PKDCC: variants seen among roughly 807,000 people sequenced by gnomAD.
PKDCC encodes the protein extracellular tyrosine-protein kinase PKDCC.
A neutral mutation model predicts 44.7 loss-of-function variants in PKDCC; 35 were observed. That is an observed-to-expected ratio of 0.78 (90% CI 0.60 to 1.04). The LOEUF (loss-of-function observed/expected upper bound fraction) is 1.04. PKDCC is among the 50% of genes least tolerant of loss of function. The probability of loss-of-function intolerance (pLI) is 0.00; values close to 1 mark genes in which losing one functional copy is unlikely to be tolerated. For synonymous variants in PKDCC, 353 were observed against 303.3 expected (o/e 1.16, Z -1.70); for missense variants, 738 against 672.7 (o/e 1.10, Z -1.07).
At chr2:42,050,945 G>C (rs1667957206) in intron 1 of PKDCC, among the ~76,000 whole-genome samples, 1 of 152,168 alleles carries the variant, frequency 6.6e-6, no homozygotes, top group African/African-American at 2.4e-5. Context: ...TTCAGGGCAG[G>C]TGTACAGGGA....
chr2:42,055,710 C>T lies in PKDCC; in HGVS notation c.1222+317C>T, dbSNP rs958856570. On this transcript the variant is annotated intron_variant, in intron 5 of 6. Coordinates refer to ENST00000294964, the MANE Select transcript of PKDCC (RefSeq NM_138370.3). The surrounding 1 kb of genome is among the most constrained non-coding windows in gnomAD (Gnocchi z 4.5). ...GTTACCCCTTGAACCTCACTTTCCT[C>T]ATCTGTGAATTGGGTTCACTATTAC... The T allele has an allele frequency of 2.5e-5, 7 of 274,526 alleles. No homozygotes were observed. The highest frequency in any genetic ancestry group is 1.5e-4 in the African/African-American group (7 of 45,656). The allele number at this position is 274,526 out of a possible 1,614,324, so 17.0% of individuals were successfully genotyped here.
Position 42,057,258 on chromosome 2 carries a change from A to C in PKDCC, c.1260A>C (p.Glu420Asp). 2 of 1,614,234 alleles carry C rather than the reference A, an allele frequency of 1.2e-6. No homozygotes were observed. The highest frequency in any genetic ancestry group is 2.2e-5 in the South Asian group (2 of 91,084). The change falls in exon 6 of 7, where the codon GAA becomes GAC. Residue 420 changes from glutamate to aspartate, a missense_variant. Transcript: ENST00000294964. ...QCIPDSTIPQEDYRCWPSYHH... is the reference protein window; with the variant it reads ...QCIPDSTIPQDDYRCWPSYHH... ...TCCCAGACAGCACCATCCCCCAGGA[A>C]GACTACCGCTGCTGGCCATCCTACC...
chr2:42,053,980 C>T lies in PKDCC; in HGVS notation c.763-56C>T, dbSNP rs1371393464. ...CCAAGAGGAGGGTGCCCTCGAGTCCCACAGACCCCCAACCCAGGAGAAAAG... is the reference window on the plus strand; with the variant it reads ...CCAAGAGGAGGGTGCCCTCGAGTCCTACAGACCCCCAACCCAGGAGAAAAG... On this transcript the variant is annotated intron_variant, in intron 2 of 6. Coordinates refer to ENST00000294964, the MANE Select transcript of PKDCC (RefSeq NM_138370.3). 11 of 1,570,892 alleles carry T rather than the reference C, an allele frequency of 7.0e-6. No individual in the cohort carries two copies. The Admixed American group carries it at 1.9e-4, about 27-fold the overall frequency.
At position 42,057,600 on chromosome 2, in the gene PKDCC, C is replaced by G; in HGVS notation, c.1397-3C>G. The G allele has an allele frequency of 6.2e-7, 1 of 1,613,514 alleles. No homozygotes were observed. The highest frequency in any genetic ancestry group is 1.1e-5 in the South Asian group (1 of 90,966). On this transcript the variant is annotated splice_region_variant and splice_polypyrimidine_tract_variant and intron_variant, in intron 6 of 6. Transcript: ENST00000294964. ...CCTGTTACCTCTCACCTCTGCCCCCCAGGTCGGCAGCTGGTCTTTTTCAAG... is the reference window on the plus strand; with the variant it reads ...CCTGTTACCTCTCACCTCTGCCCCCGAGGTCGGCAGCTGGTCTTTTTCAAG...
At position 42,051,705 on chromosome 2, in the gene PKDCC, G is replaced by T. The variant is rs1254073202; in HGVS notation, c.640-1534G>T. On this transcript the variant is annotated intron_variant, in intron 1 of 6. Coordinates refer to ENST00000294964, the MANE Select transcript of PKDCC (RefSeq NM_138370.3). The surrounding 1 kb of genome is among the most constrained non-coding windows in gnomAD (Gnocchi z 4.2). Reference sequence around the variant, plus strand: ...GGCTTCCCTGGACTGATGGGGAGGGGGTGGAGAGAGAAGAGGGTGCCTGGA... The same window carrying T: ...GGCTTCCCTGGACTGATGGGGAGGGTGTGGAGAGAGAAGAGGGTGCCTGGA... Among the ~76,000 whole-genome samples, 1 of 152,068 alleles carries T rather than the reference G, an allele frequency of 6.6e-6. No homozygotes were observed. Among genetic ancestry groups the T allele is most frequent in the Non-Finnish European group, 1.5e-5 (1 of 67,996 alleles).
rs761814132 is a variant in PKDCC at position 42,055,065 on chromosome 2, C to G, written c.1114+45C>G. On this transcript the variant is annotated intron_variant, in intron 4 of 6. Coordinates refer to ENST00000294964, the MANE Select transcript of PKDCC (RefSeq NM_138370.3). This position sits in a 1 kb window ranked among gnomAD's most constrained non-coding sequence, Gnocchi z 4.5. ...TCTGCTTCCAGGCACCTACCCCACCCCCACCCGCCAGCAAAAGTGGGGAGA... is the reference window on the plus strand; with the variant it reads ...TCTGCTTCCAGGCACCTACCCCACCGCCACCCGCCAGCAAAAGTGGGGAGA... 5 of 1,562,896 alleles carry G rather than the reference C, an allele frequency of 3.2e-6. No individual in the cohort carries two copies. The highest frequency in any genetic ancestry group is 4.4e-6 in the Non-Finnish European group (5 of 1,135,166).
rs1668025246 is a variant in PKDCC, at chr2:42,054,746, G to A, written c.1035-195G>A. 7.7e-6 allele frequency: 5 copies of A among 652,806 alleles called. No individual in the cohort carries two copies. The highest frequency in any genetic ancestry group is 3.6e-5 in the African/African-American group (2 of 55,606). The allele number at this position is 652,806 out of a possible 1,614,324, so 40.4% of individuals were successfully genotyped here. A position where few individuals can be genotyped will look rare whatever the true frequency, so the allele number is the denominator to read the frequency against. On this transcript the variant is annotated intron_variant, in intron 3 of 6. Transcript: ENST00000294964. This position sits in a 1 kb window ranked among gnomAD's most constrained non-coding sequence, Gnocchi z 6.1. ...GCAGGCCCCTGGTTTCGGTTAGTAT[G>A]AAGTTAGGTGTGGTGTTAGCATGTG... is the stretch of plus-strand genomic sequence containing the variant.
chr2:42,049,910 C>T (rs146547060), intron 1 of PKDCC, among the ~76,000 whole-genome samples: 69 of 152,314 alleles, frequency 4.5e-4, no homozygotes, highest in Middle Eastern at 3.4e-3. Context: ...CTTGCACACA[C>T]CTTCCACCTA....
Position 42,054,452 on chromosome 2 carries a change from G to A in PKDCC, c.1034+145G>A. On this transcript the variant is annotated intron_variant, in intron 3 of 6. Coordinates refer to ENST00000294964, the MANE Select transcript of PKDCC (RefSeq NM_138370.3). The surrounding 1 kb of genome is among the most constrained non-coding windows in gnomAD (Gnocchi z 6.1). The stretch of plus-strand genomic sequence containing the variant: ...GGGAAGGCTTCTACCCTGTCCAGAA[G>A]GGAACATTCAGGCCTCTGATGGAGA... 1 of 1,003,868 alleles carries A rather than the reference G, an allele frequency of 1.0e-6. No homozygotes were observed. Among genetic ancestry groups the A allele is most frequent in the Admixed American group, 2.9e-5 (1 of 35,042 alleles). 62.2% of individuals were successfully genotyped at this position (1,003,868 alleles called of 1,614,324 possible).
At position 42,054,638 on chromosome 2, in the gene PKDCC, C is replaced by A; in HGVS notation, c.1035-303C>A. Reference sequence around the variant, plus strand: ...TGGGAAATTCCTCACTGGGCCCCAGCCATGGGGCTGCTCCGACACCGGGAG... The same window carrying A: ...TGGGAAATTCCTCACTGGGCCCCAGACATGGGGCTGCTCCGACACCGGGAG... On this transcript the variant is annotated intron_variant, in intron 3 of 6. Transcript: ENST00000294964. This position sits in a 1 kb window ranked among gnomAD's most constrained non-coding sequence, Gnocchi z 6.1. 1.8e-6 allele frequency: 1 copy of A among 544,472 alleles called. No individual in the cohort carries two copies. The highest frequency in any genetic ancestry group is 2.4e-5 in the South Asian group (1 of 41,018). 33.7% of individuals were successfully genotyped at this position (544,472 alleles called of 1,614,324 possible).
rs1424656584 is a variant in PKDCC, at chr2:42,048,068, GC to G, written c.-130del. ...TCGCCCGCGAGGGGCCGGGGTCGGG[GC>G]CGCCGGGGCCATGCGCGCGGGCTGG... On this transcript the variant is annotated 5_prime_UTR_variant, in exon 1 of 7. The change abolishes the stop of an existing upstream ORF in the 5' untranslated region. Coordinates refer to ENST00000294964, the MANE Select transcript of PKDCC (RefSeq NM_138370.3). The surrounding 1 kb of genome is among the most constrained non-coding windows in gnomAD (Gnocchi z 6.2). 2.5e-6 allele frequency: 1 copy of G among 395,534 alleles called. No homozygotes were observed. The highest frequency in any genetic ancestry group is 3.4e-6 in the Non-Finnish European group (1 of 295,196). 24.5% of individuals were successfully genotyped at this position (395,534 alleles called of 1,614,324 possible).
In PKDCC at chr2:42,057,298, C is replaced by T; in HGVS notation, c.1300C>T (p.Leu434Phe). The T allele has an allele frequency of 6.2e-7, 1 of 1,614,220 alleles. No homozygotes were observed. Among genetic ancestry groups the T allele is most frequent in the Non-Finnish European group, 8.5e-7 (1 of 1,180,042 alleles). The change falls in exon 6 of 7, where the codon CTC (leucine) becomes TTC (phenylalanine). Residue 434 changes from leucine to phenylalanine, a missense_variant. By Grantham distance (22) the Leu-to-Phe change is conservative. Transcript: ENST00000294964. ...GCCATCCTACCACCACGGGAGCTGCCTCCTTTCAGTGTTCAACCTGGCTGA... is the reference window on the plus strand; with the variant it reads ...GCCATCCTACCACCACGGGAGCTGCTTCCTTTCAGTGTTCAACCTGGCTGA... ...CWPSYHHGSCLLSVFNLAEAV... is the reference protein window; with the variant it reads ...CWPSYHHGSCFLSVFNLAEAV...
In PKDCC at chr2:42,055,245, G is replaced by A. The variant is rs754056945; in HGVS notation, c.1115-41G>A. Reference sequence around the variant, plus strand: ...GGCTGCTGACTTCAGGGAGGAGTGGGAGCCCCAGGCATCCTGTCTTAGCCA... The same window carrying A: ...GGCTGCTGACTTCAGGGAGGAGTGGAAGCCCCAGGCATCCTGTCTTAGCCA... On this transcript the variant is annotated intron_variant, in intron 4 of 6. Coordinates refer to ENST00000294964, the MANE Select transcript of PKDCC (RefSeq NM_138370.3). This position sits in a 1 kb window ranked among gnomAD's most constrained non-coding sequence, Gnocchi z 4.5. The A allele has an allele frequency of 6.4e-6, 10 of 1,563,602 alleles. No homozygotes were observed. The highest frequency in any genetic ancestry group is 7.9e-6 in the Non-Finnish European group (9 of 1,145,674).
chr2:42,056,171 C>G (rs1668053825), intron 5 of PKDCC, among the ~76,000 whole-genome samples: 1 of 152,114 alleles, frequency 6.6e-6, no homozygotes, highest in Non-Finnish European at 1.5e-5. Flanking sequence ...GGACTTTGGT[C>G]TAGTCCCTGG....
Position 42,054,517 on chromosome 2 carries a change from G to T in PKDCC, c.1034+210G>T, listed in dbSNP as rs1668021748. ...AGCTCCAAGGAGAATCCGGGTTAGG[G>T]GGTGGCAGCTGGAGGCTTCTTAAAA... On this transcript the variant is annotated intron_variant, in intron 3 of 6. Transcript: ENST00000294964. The surrounding 1 kb of genome is among the most constrained non-coding windows in gnomAD (Gnocchi z 6.1). 4.8e-6 allele frequency: 3 copies of T among 629,516 alleles called. No individual in the cohort carries two copies. Among genetic ancestry groups the T allele is most frequent in the South Asian group, 4.4e-5 (2 of 45,766 alleles). 39.0% of individuals were successfully genotyped at this position (629,516 alleles called of 1,614,324 possible).
chr2:42,057,742 T>G lies in PKDCC; in HGVS notation c.*54T>G. On this transcript the variant is annotated 3_prime_UTR_variant, in exon 7 of 7. Coordinates refer to ENST00000294964, the MANE Select transcript of PKDCC (RefSeq NM_138370.3). ...ACTATCCTCAGCAGCTGGGCTTGCCTGTGGAGGGAGTGACTTGCACTGGCA... is the reference window on the plus strand; with the variant it reads ...ACTATCCTCAGCAGCTGGGCTTGCCGGTGGAGGGAGTGACTTGCACTGGCA... 1 of 1,523,866 alleles carries G rather than the reference T, an allele frequency of 6.6e-7. No homozygotes were observed. The highest frequency in any genetic ancestry group is 9.0e-7 in the Non-Finnish European group (1 of 1,105,850). 94.4% of individuals were successfully genotyped at this position (1,523,866 alleles called of 1,614,324 possible).
chr2:42,053,686 A>G (rs1409584920), intron 2 of PKDCC: 1 of 519,318 alleles, frequency 1.9e-6, no homozygotes, highest in African/African-American at 1.9e-5. Flanking sequence ...TAGAACTAGG[A>G]AAGACCTTAA....
At position 42,051,112 on chromosome 2, in the gene PKDCC, G is replaced by A. The variant is rs1402477196; in HGVS notation, c.640-2127G>A. ...CTCTGAGCAGCCCAGAATTGGTGCT[G>A]TGGATTCTAATAGAAAATGCCCAGG... On this transcript the variant is annotated intron_variant, in intron 1 of 6. Transcript: ENST00000294964. This position sits in a 1 kb window ranked among gnomAD's most constrained non-coding sequence, Gnocchi z 4.2. 6.6e-6 allele frequency among the ~76,000 whole-genome samples: 1 copy of A among 152,148 alleles called. No homozygotes were observed. Among genetic ancestry groups the A allele is most frequent in the African/African-American group, 2.4e-5 (1 of 41,426 alleles).
rs534276179 is a variant in PKDCC, at chr2:42,055,933, G to C, written c.1222+540G>C. Among the ~76,000 whole-genome samples, 1 of 152,186 alleles carries C rather than the reference G, an allele frequency of 6.6e-6. No individual in the cohort carries two copies. Among genetic ancestry groups the C allele is most frequent in the African/African-American group, 2.4e-5 (1 of 41,432 alleles). On this transcript the variant is annotated intron_variant, in intron 5 of 6. Transcript: ENST00000294964. The surrounding 1 kb of genome is among the most constrained non-coding windows in gnomAD (Gnocchi z 4.5). The stretch of plus-strand genomic sequence containing the variant: ...GCCAAGAAGCCCCAGGGCAGGGGGA[G>C]AATTCTGGCCACTGGTTTCAGGCTG...
Sources: allele counts gnomAD v4.1 joint callset (sites outside exome capture counted in the v4.1 genomes callset), GRCh38; gene constraint gnomAD v4.1.1; non-coding constraint Gnocchi (gnomAD v3.1); transcripts MANE v1.5; gene names NCBI Gene and HGNC (gene_info 2026-07-23, HGNC 2026-07-21).